USP30: variants seen among roughly 807,000 people sequenced by gnomAD.
USP30 encodes the protein ubiquitin carboxyl-terminal hydrolase 30.
In USP30, 41 loss-of-function variants were observed where a neutral mutation model predicts 68.2. The ratio of observed to expected loss-of-function variants is 0.60; its 90% CI spans 0.47 to 0.78. The LOEUF (loss-of-function observed/expected upper bound fraction) is 0.78, where lower values mean the gene tolerates loss of function less well. Ranked by LOEUF, USP30 falls within the 30% of genes least tolerant of loss-of-function variation. The pLI is 0.00. For missense variants in USP30, 522 were observed against 649.4 expected, an observed-to-expected ratio of 0.80 and a Z score of 2.13; for synonymous variants, 229 against 253.7, an observed-to-expected ratio of 0.90 and a Z score of 0.93.
rs141056343 is a variant in USP30 at position 109,063,047 on chromosome 12, C to T, written c.377-4477C>T. Among the ~76,000 whole-genome samples the T allele has an allele frequency of 1.8e-4, 27 of 152,244 alleles. No individual in the cohort carries two copies. In the East Asian group the frequency reaches 5.0e-3, roughly 28 times the overall value. ...TTCACTTAATGTCTTCAGGGTTCAT[C>T]CATGTTATACCATGTATCAGAATTT... On this transcript the variant is annotated intron_variant, in intron 3 of 12. Coordinates refer to ENST00000257548, the MANE Select transcript of USP30 (RefSeq NM_032663.5).
intron 4 of USP30, among the ~76,000 whole-genome samples, chr12:109,069,045 TG>T (rs2041348407): frequency 6.6e-6 from 1 of 152,256 alleles, no homozygotes; most frequent in African/African-American, 2.4e-5. Flanking sequence ...AAGGAATTAC[TG>T]TTGTCCCCAT....
chr12:109,061,241 T>C (rs1022646994), intron 3 of USP30, among the ~76,000 whole-genome samples: 4 of 152,062 alleles, frequency 2.6e-5, no homozygotes, highest in African/African-American at 9.7e-5. Context: ...AAAGCTGAAA[T>C]GTCCACATGA....
At chr12:109,031,698 A>G (rs1048567021) in intron 3 of USP30, among the ~76,000 whole-genome samples, 2 of 152,246 alleles carry the variant, frequency 1.3e-5, no homozygotes, top group Admixed American at 6.5e-5. Context: ...AATAGAAGCT[A>G]CAATATGGAT....
At chr12:109,069,563 C>T (rs1225510577) in intron 4 of USP30, among the ~76,000 whole-genome samples, 1 of 152,232 alleles carries the variant, frequency 6.6e-6, no homozygotes, top group African/African-American at 2.4e-5. Flanking sequence ...TTATTGAATG[C>T]CTGCCTGGGG....
chr12:109,056,227 C>T (rs1387643152), intron 1 of USP30, among the ~76,000 whole-genome samples: 1 of 152,138 alleles, frequency 6.6e-6, no homozygotes, highest in Non-Finnish European at 1.5e-5. Context: ...GAGTCTTTCT[C>T]TGTCACCTGG....
intron 8 of USP30, chr12:109,081,652 C>G: frequency 1.7e-6 from 1 of 595,222 alleles, no homozygotes; most frequent in Non-Finnish European, 3.0e-6. Flanking sequence ...CACACACACA[C>G]ACACACACAC....
chr12:109,066,358 C>G (rs138775923), intron 3 of USP30, among the ~76,000 whole-genome samples: 1 of 150,694 alleles, frequency 6.6e-6, no homozygotes, highest in East Asian at 2.0e-4. Context: ...GCCCATCAAA[C>G]TTTTATTAGG....
chr12:109,051,647 G>A (rs2135689551), upstream of USP30, among the ~76,000 whole-genome samples: 1 of 148,200 alleles, frequency 6.7e-6, no homozygotes, highest in East Asian at 2.0e-4. Context: ...TTGGCTCAGT[G>A]CAACCTCCAC....
At position 109,085,005 on chromosome 12, in the gene USP30, C is replaced by T; in HGVS notation, c.1221C>T (p.Cys407=). 6 of 1,606,842 alleles carry T rather than the reference C, an allele frequency of 3.7e-6. No homozygotes were observed. The South Asian group carries it at 5.6e-5, about 15-fold the overall frequency. ...PKTQIFMNGA[C]SPSLLPTLSA... is the part of the protein sequence containing the mutation. ...CACAGATTTTTATGAATGGCGCCTG[C>T]TCCCCATCTTTATTGCCAACGCTGT... The change falls in exon 12 of 13, where the codon TGC becomes TGT. Residue 407 remains cysteine, a synonymous_variant. Coordinates refer to ENST00000257548, the MANE Select transcript of USP30 (RefSeq NM_032663.5).
At chr12:109,071,263 T>G (rs905173167) in intron 4 of USP30, among the ~76,000 whole-genome samples, 1 of 152,254 alleles carries the variant, frequency 6.6e-6, no homozygotes, top group Non-Finnish European at 1.5e-5. Context: ...GTTAAGATGA[T>G]AAATGTTATG....
At position 109,086,119 on chromosome 12, in the gene USP30, T is replaced by C. The variant is rs942887338; in HGVS notation, c.*188T>C. Reference sequence around the variant, plus strand: ...AAACCAGGCTCCCTGAACAGTCCTGTTCATGTGTGTAGGTGGTTCTGTTGT... The same window carrying C: ...AAACCAGGCTCCCTGAACAGTCCTGCTCATGTGTGTAGGTGGTTCTGTTGT... On this transcript the variant is annotated 3_prime_UTR_variant, in exon 13 of 13. Coordinates refer to ENST00000257548, the MANE Select transcript of USP30 (RefSeq NM_032663.5). The C allele has an allele frequency of 2.7e-6, 2 of 743,060 alleles. No homozygotes were observed. Among genetic ancestry groups the C allele is most frequent in the African/African-American group, 3.5e-5 (2 of 56,544 alleles). 46.0% of individuals were successfully genotyped at this position (743,060 alleles called of 1,614,324 possible). A position where few individuals can be genotyped will look rare whatever the true frequency, so the allele number is the denominator to read the frequency against.
upstream of USP30, among the ~76,000 whole-genome samples, chr12:109,051,880 T>C (rs2040681347): frequency 2.0e-5 from 3 of 152,190 alleles, no homozygotes; most frequent in African/African-American, 7.2e-5. Context: ...TACCTCCTGC[T>C]TTTCACTTTA....
chr12:109,072,654 G>A (rs1250818278), intron 6 of USP30, among the ~76,000 whole-genome samples: 1 of 152,092 alleles, frequency 6.6e-6, no homozygotes, highest in East Asian at 1.9e-4. Context: ...CGTGTCCTCA[G>A]CATTTCCAGT....
chr12:109,063,365 T>A (rs987282745), intron 3 of USP30, among the ~76,000 whole-genome samples: 1 of 152,174 alleles, frequency 6.6e-6, no homozygotes, highest in Non-Finnish European at 1.5e-5. Context: ...CCTCCCAAAG[T>A]TCTGGGATTA....
intron 7 of USP30, among the ~76,000 whole-genome samples, chr12:109,074,631 A>C (rs1055826371): frequency 2.6e-5 from 4 of 152,168 alleles, no homozygotes; most frequent in Non-Finnish European, 4.4e-5. Flanking sequence ...TTTTTCCCCC[A>C]GTTTTATTGA....
chr12:109,073,640 T>C, intron 7 of USP30, 108 bp downstream of exon 7: 1 of 963,646 alleles, frequency 1.0e-6, no homozygotes, highest in Non-Finnish European at 1.6e-6. Flanking sequence ...TGTTAGAGAC[T>C]ACCTGGCCTC....
chr12:109,069,872 G>A (rs556110076), intron 4 of USP30, among the ~76,000 whole-genome samples: 13 of 152,094 alleles, frequency 8.5e-5, no homozygotes, highest in Non-Finnish European at 1.6e-4. Context: ...TGAAGTGTGT[G>A]GACACCTGGG....
chr12:109,068,308 C>T (rs373641992), intron 4 of USP30, among the ~76,000 whole-genome samples: 1 of 152,042 alleles, frequency 6.6e-6, no homozygotes, highest in Non-Finnish European at 1.5e-5. Context: ...TTCGTGTAGG[C>T]GTTGTCTGCC....
chr12:109,071,606 T>C lies in USP30; in HGVS notation c.481-6T>C. The C allele has an allele frequency of 6.2e-7, 1 of 1,613,904 alleles. No homozygotes were observed. Among genetic ancestry groups the C allele is most frequent in the Non-Finnish European group, 8.5e-7 (1 of 1,179,806 alleles). ...CCTCTCTAAAGAATGCTTTGCCCTA[T>C]GACAGGATGCTCACGAATTATTCCA... is the stretch of plus-strand genomic sequence containing the variant. On this transcript the variant is annotated splice_polypyrimidine_tract_variant and splice_region_variant and intron_variant, in intron 4 of 12. Transcript: ENST00000257548.
Sources: gnomAD v4.1 joint callset for allele counts (sites outside exome capture counted in the v4.1 genomes callset) on GRCh38, gnomAD v4.1.1 for gene constraint, MANE v1.5 for transcripts, NCBI Gene and HGNC (gene_info 2026-07-23, HGNC 2026-07-21) for gene names.